CAPN2: variants seen among roughly 807,000 people sequenced by gnomAD.
CAPN2 encodes calpain 2.
CAPN2 carries 92 observed loss-of-function variants against 102.3 expected under a neutral mutation model. That is an observed-to-expected ratio of 0.90 (90% CI 0.76 to 1.07). The LOEUF is 1.07. Ranked by LOEUF, CAPN2 falls within the 50% of genes least tolerant of loss-of-function variation. The pLI, the probability that CAPN2 is intolerant of heterozygous loss-of-function variation, is 0.00. For missense variants in CAPN2, 800 were observed against 909.4 expected, an observed-to-expected ratio of 0.88 and a Z score of 1.55; for synonymous variants, 340 against 355.4, an observed-to-expected ratio of 0.96 and a Z score of 0.49.
chr1:223,738,413 C>A (rs1380265601), intron 2 of CAPN2, among the ~76,000 whole-genome samples: 1 of 152,152 alleles, frequency 6.6e-6, no homozygotes, highest in South Asian at 2.1e-4. Context: ...CTCAAGAAAT[C>A]CTCCAGCCCT....
chr1:223,708,780 A>AAG (rs143252272), upstream of CAPN2, among the ~76,000 whole-genome samples: 7 of 150,028 alleles, frequency 4.7e-5, no homozygotes, highest in African/African-American at 2.4e-5. Flanking sequence ...GAAAGAGCGA[A>AAG]AGAGAGAGAG....
intron 2 of CAPN2, among the ~76,000 whole-genome samples, chr1:223,719,931 T>C (rs1660006605): frequency 1.3e-5 from 2 of 152,232 alleles, no homozygotes; most frequent in African/African-American, 2.4e-5. Context: ...TGTGGTATAC[T>C]GTACTCTCAC....
chr1:223,755,607 G>A lies in CAPN2; in HGVS notation c.1263G>A (p.Lys421=). 6.2e-7 allele frequency: 1 copy of A among 1,611,342 alleles called. No individual in the cohort carries two copies. The highest frequency in any genetic ancestry group is 8.5e-7 in the Non-Finnish European group (1 of 1,178,756). ...LIQKHRRRQR[K]MGEDMHTIGF... ...AGAAGCACCGACGGCGGCAGAGGAA[G>A]ATGGGCGAGGACATGCACACCATCG... is the stretch of plus-strand genomic sequence containing the variant. The change falls in exon 10 of 21, where the codon AAG becomes AAA. Residue 421 remains lysine, a synonymous_variant. Coordinates refer to ENST00000295006, the MANE Select transcript of CAPN2 (RefSeq NM_001748.5). This position sits in a 1 kb window ranked among gnomAD's most constrained non-coding sequence, Gnocchi z 4.1.
In CAPN2 at chr1:223,712,873, C is replaced by CCACGGTAGGAAGCG. The variant is rs573919326; in HGVS notation, c.235_237+11dup. On this transcript the variant is annotated frameshift_variant, in exon 1 of 21. Transcript: ENST00000295006. LOFTEE classifies it high-confidence loss of function. ...ACCCGGGGCATCGAGTGGAAGCGCC[C>CCACGGTAGGAAGCG]CACGGTAGGAAGCGCGCGGCAGGAC... 7.5e-3 allele frequency: 11,537 copies of CCACGGTAGGAAGCG among 1,531,350 alleles called. 64 individuals are homozygous for CCACGGTAGGAAGCG. Among genetic ancestry groups the CCACGGTAGGAAGCG allele is most frequent in the Non-Finnish European group, 8.4e-3 (9,557 of 1,141,026 alleles). The allele number at this position is 1,531,350 out of a possible 1,614,324, so 94.9% of individuals were successfully genotyped here.
intron 8 of CAPN2, among the ~76,000 whole-genome samples, chr1:223,752,460 G>A (rs1035392806): frequency 4.6e-5 from 7 of 152,140 alleles, no homozygotes; most frequent in East Asian, 3.8e-4. Flanking sequence ...GTGTGTCTGC[G>A]CCACTCTATA....
chr1:223,770,065 G>A lies in CAPN2; in HGVS notation c.1824+156G>A, dbSNP rs184862634. 7.2e-6 allele frequency: 5 copies of A among 695,940 alleles called. No individual in the cohort carries two copies. In the East Asian group the frequency reaches 8.2e-5, roughly 11 times the overall value. The allele number at this position is 695,940 out of a possible 1,614,324, so 43.1% of individuals were successfully genotyped here. ...CAGAGTGAGTAAAGATGGGGCTGAG[G>A]AAATGCAAACAAAAAACCAACCAGG... On this transcript the variant is annotated intron_variant, in intron 17 of 20. Coordinates refer to ENST00000295006, the MANE Select transcript of CAPN2 (RefSeq NM_001748.5).
chr1:223,749,731 A>G (rs1660838815), intron 6 of CAPN2, among the ~76,000 whole-genome samples: 2 of 152,202 alleles, frequency 1.3e-5, no homozygotes, highest in Admixed American at 1.3e-4. Context: ...TGAAAATATT[A>G]TGGGCTGACA....
upstream of CAPN2, among the ~76,000 whole-genome samples, chr1:223,708,077 A>G (rs1659651645): frequency 1.3e-5 from 2 of 152,214 alleles, no homozygotes; most frequent in Non-Finnish European, 2.9e-5. Flanking sequence ...TCTGTTTTCA[A>G]TTGTGATGGC....
chr1:223,712,752 G>C lies in CAPN2; in HGVS notation c.112G>C (p.Glu38Gln). ...CCAGGACTACGAGGCGCTGCGGAAC[G>C]AGTGCCTGGAGGCCGGGACGCTCTT... is the stretch of plus-strand genomic sequence containing the variant. Reference protein sequence around the residue: ...LNQDYEALRNECLEAGTLFQD... With the variant: ...LNQDYEALRNQCLEAGTLFQD... Residue 38 changes from glutamate to glutamine, a missense_variant, in exon 1 of 21, where the codon GAG becomes CAG. Glu to Gln is a conservative substitution (Grantham distance 29). Transcript: ENST00000295006. The C allele has an allele frequency of 1.3e-6, 2 of 1,584,100 alleles. No individual in the cohort carries two copies. Among genetic ancestry groups the C allele is most frequent in the African/African-American group, 1.4e-5 (1 of 72,630 alleles).
At chr1:223,743,127 C>T (rs1359842841) in intron 2 of CAPN2, among the ~76,000 whole-genome samples, 2 of 152,146 alleles carry the variant, frequency 1.3e-5, no homozygotes, top group Non-Finnish European at 1.5e-5. Context: ...AAATGGGTGC[C>T]GAGTGCTTAC....
intron 17 of CAPN2, chr1:223,770,154 T>A (rs898137416): frequency 1.0e-5 from 6 of 582,490 alleles, no homozygotes; most frequent in Non-Finnish European, 1.8e-5. Flanking sequence ...AAGGCCACCA[T>A]CAAGGGTTTC....
At chr1:223,730,332 T>TTA (rs1398264058) in intron 2 of CAPN2, among the ~76,000 whole-genome samples, 1 of 71,006 alleles carries the variant, frequency 1.4e-5, no homozygotes, top group Non-Finnish European at 2.9e-5. Context: ...TCTCAAAATA[T>TTA]TATGAGATTT....
At chr1:223,752,669 C>T (rs28370080) in intron 8 of CAPN2, 127 bp from the exon 9 acceptor site, 16 of 760,090 alleles carry the variant, frequency 2.1e-5, no homozygotes, top group African/African-American at 1.6e-4. Context: ...ACCTGGTGCC[C>T]ATCCACTCAG....
At chr1:223,764,915 C>CA (rs34591034) in intron 15 of CAPN2, among the ~76,000 whole-genome samples, 27 of 152,176 alleles carry the variant, frequency 1.8e-4, no homozygotes, top group East Asian at 1.2e-3. Flanking sequence ...ATTTCTTAAG[C>CA]AAAAAAATGT....
chr1:223,723,001 TG>T (rs1660096112), intron 2 of CAPN2, among the ~76,000 whole-genome samples: 1 of 152,234 alleles, frequency 6.6e-6, no homozygotes, highest in East Asian at 1.9e-4. Flanking sequence ...TCAGAGATTT[TG>T]TAAGATGCCT....
intron 1 of CAPN2, among the ~76,000 whole-genome samples, chr1:223,706,671 T>C (rs1465142495): frequency 6.6e-6 from 1 of 152,214 alleles, no homozygotes; most frequent in East Asian, 1.9e-4. Context: ...AAGATCTCCC[T>C]TGACTGGCTG....
chr1:223,724,748 T>C (rs1212279675), intron 2 of CAPN2, among the ~76,000 whole-genome samples: 1 of 151,844 alleles, frequency 6.6e-6, no homozygotes, highest in African/African-American at 2.4e-5. Flanking sequence ...GGTGGGAGGG[T>C]CCCTTCAGCC....
At chr1:223,769,737 T>C in intron 16 of CAPN2, 104 bp from the exon 17 acceptor site, 1 of 831,812 alleles carries the variant, frequency 1.2e-6, no homozygotes. Context: ...AAACCCTCCT[T>C]GTGTATATGC....
At chr1:223,770,400 A>G (rs1200008726) in intron 17 of CAPN2, 47 bp from the exon 18 acceptor site, 2 of 1,389,224 alleles carry the variant, frequency 1.4e-6, no homozygotes, top group African/African-American at 2.8e-5. Flanking sequence ...GTAACTTGCC[A>G]GCTTTGCTTT....
Sources: allele counts gnomAD v4.1 joint callset (sites outside exome capture counted in the v4.1 genomes callset), GRCh38; gene constraint gnomAD v4.1.1; non-coding constraint Gnocchi (gnomAD v3.1); transcripts MANE v1.5; gene names NCBI Gene and HGNC (gene_info 2026-07-23, HGNC 2026-07-21).